Variants in ZEB1 observed in about 807,000 individuals in gnomAD.
ZEB1 encodes the protein zinc finger E-box-binding homeobox 1.
ZEB1 carries 21 observed loss-of-function variants against 84.9 expected under a neutral mutation model. The observed-to-expected ratio is 0.25, with a 90% CI of 0.18 to 0.36. ZEB1 has a LOEUF of 0.36. Among genes scored for constraint, ZEB1 ranks in the 10% least tolerant of loss-of-function variants. The probability of loss-of-function intolerance (pLI) is 1.00; values close to 1 mark genes in which losing one functional copy is unlikely to be tolerated. For missense variants in ZEB1, 1,104 were observed against 1,330.2 expected (o/e 0.83, Z 2.65); for synonymous variants, 420 against 471.1 (o/e 0.89, Z 1.41).
intron 1 of ZEB1, among the ~76,000 whole-genome samples, chr10:31,323,642 C>T (rs1226130875): frequency 6.6e-6 from 1 of 151,978 alleles, no homozygotes; most frequent in Non-Finnish European, 1.5e-5. Context: ...GTAGTTCGTA[C>T]GTTGCTGTAT....
intron 1 of ZEB1, chr10:31,363,434 G>A (rs199981392): frequency 3.5e-5 from 54 of 1,534,036 alleles, no homozygotes; most frequent in Non-Finnish European, 4.7e-5. Flanking sequence ...CCCTCCAAGG[G>A]CCTGGGATTG....
At chr10:31,338,366 G>C (rs575307251) in intron 1 of ZEB1, among the ~76,000 whole-genome samples, 3 of 152,174 alleles carry the variant, frequency 2.0e-5, no homozygotes, top group South Asian at 2.1e-4. Flanking sequence ...TCTTTGATAG[G>C]TAAAGGGAAA....
chr10:31,371,759 G>T (rs2045754502), intron 1 of ZEB1, among the ~76,000 whole-genome samples: 1 of 152,138 alleles, frequency 6.6e-6, no homozygotes, highest in African/African-American at 2.4e-5. Flanking sequence ...TTGCTATTGA[G>T]AATTTTGGAT....
intron 3 of ZEB1, among the ~76,000 whole-genome samples, chr10:31,496,268 A>C (rs1298328980): frequency 6.6e-6 from 1 of 152,116 alleles, no homozygotes; most frequent in Admixed American, 6.6e-5. Flanking sequence ...TTTATCTATA[A>C]ATCCGATGAG....
intron 1 of ZEB1, among the ~76,000 whole-genome samples, chr10:31,443,836 A>C (rs1056638453): frequency 7.3e-5 from 11 of 151,224 alleles, no homozygotes; most frequent in Middle Eastern, 3.4e-3. Flanking sequence ...GGTTGGCTCC[A>C]AGTCTTTGCT....
chr10:31,427,430 G>A (rs1388618654), intron 1 of ZEB1, among the ~76,000 whole-genome samples: 1 of 152,168 alleles, frequency 6.6e-6, no homozygotes, highest in Non-Finnish European at 1.5e-5. Context: ...TAGCTTCAGT[G>A]AGCCCTGGTT....
chr10:31,495,815 A>G lies in ZEB1; in HGVS notation c.299A>G (p.Gln100Arg). Residue 100 changes from glutamine (Q) to arginine (R), a missense_variant, in exon 3 of 9, where the codon CAG becomes CGG. By Grantham distance (43) the Gln-to-Arg change is conservative (BLOSUM62 1). Coordinates refer to ENST00000424869, the MANE Select transcript of ZEB1 (RefSeq NM_001174096.2). ...CAAGAAATCCTGGGGCCTGAAGCTC[A>G]GGCAGATGAAGCAGGATGTACAGGT... is the stretch of plus-strand genomic sequence containing the variant. ...EGQEILGPEA[Q>R]ADEAGCTVKD... The G allele has an allele frequency of 6.2e-7, 1 of 1,612,958 alleles. No homozygotes were observed. Among genetic ancestry groups the G allele is most frequent in the Non-Finnish European group, 8.5e-7 (1 of 1,179,090 alleles).
chr10:31,446,414 C>T (rs1484033829), intron 1 of ZEB1, among the ~76,000 whole-genome samples: 1 of 151,634 alleles, frequency 6.6e-6, no homozygotes, highest in Non-Finnish European at 1.5e-5. Flanking sequence ...CTATTTCCTT[C>T]AGTTCTGCTC....
At chr10:31,497,266 A>G (rs879730550) in intron 3 of ZEB1, among the ~76,000 whole-genome samples, 1 of 152,146 alleles carries the variant, frequency 6.6e-6, no homozygotes, top group Non-Finnish European at 1.5e-5. Context: ...AATGCTATCC[A>G]AAAAGATGCT....
intron 1 of ZEB1, among the ~76,000 whole-genome samples, chr10:31,409,195 G>T (rs936638030): frequency 7.2e-5 from 11 of 152,176 alleles, no homozygotes; most frequent in African/African-American, 2.7e-4. Context: ...ACCACAATGA[G>T]ATACCATTTC....
intron 1 of ZEB1, among the ~76,000 whole-genome samples, chr10:31,375,204 A>G (rs973328221): frequency 4.0e-5 from 6 of 151,612 alleles, no homozygotes; most frequent in Non-Finnish European, 7.4e-5. Context: ...TTTTTTCTGG[A>G]TATACTCAAA....
intron 1 of ZEB1, among the ~76,000 whole-genome samples, chr10:31,387,519 G>C (rs1243286034): frequency 1.3e-5 from 2 of 152,100 alleles, no homozygotes; most frequent in African/African-American, 4.8e-5. Context: ...AAACCTTCCA[G>C]TTTAGTCTGC....
chr10:31,373,051 G>A (rs1200818373), intron 1 of ZEB1: 2 of 985,284 alleles, frequency 2.0e-6, no homozygotes, highest in Non-Finnish European at 2.4e-6. Context: ...GCAATTGGCC[G>A]AAAACTCCCA....
intron 2 of ZEB1, among the ~76,000 whole-genome samples, chr10:31,494,409 C>T (rs1761379): frequency 0.24 from 36,191 of 151,898 alleles, 9,753 homozygotes; most frequent in African/African-American, 0.67. Flanking sequence ...TGATCATCTT[C>T]ATGTACTAGT....
At chr10:31,455,781 G>C (rs566358918) in intron 1 of ZEB1, among the ~76,000 whole-genome samples, 3 of 152,304 alleles carry the variant, frequency 2.0e-5, no homozygotes, top group African/African-American at 7.2e-5. Context: ...AGGATGTGGA[G>C]AAATAGGAAC....
In ZEB1 at chr10:31,521,354, C is replaced by A; in HGVS notation, c.2022C>A (p.Ser674Arg). 6.2e-7 allele frequency: 1 copy of A among 1,614,108 alleles called. No individual in the cohort carries two copies. The highest frequency in any genetic ancestry group is 8.5e-7 in the Non-Finnish European group (1 of 1,180,006). The change falls in exon 7 of 9, where the codon AGC becomes AGA. Residue 674 changes from serine (S) to arginine (R), a missense_variant. Around this residue, in one of 7 missense-constraint regions of ZEB1, gnomAD observed 531 missense variants for 575.2 expected, o/e 0.92. Coordinates refer to ENST00000424869, the MANE Select transcript of ZEB1 (RefSeq NM_001174096.2). ...QSANANEPQDSTVNLQSPLKM... is the reference protein window; with the variant it reads ...QSANANEPQDRTVNLQSPLKM... ...CAAATGCAAATGAACCCCAGGACAGCACAGTAAATCTACAAAGTCCTTTGA... is the reference window on the plus strand; with the variant it reads ...CAAATGCAAATGAACCCCAGGACAGAACAGTAAATCTACAAAGTCCTTTGA...
chr10:31,337,447 A>C, intron 1 of ZEB1, among the ~76,000 whole-genome samples: 1 of 152,168 alleles, frequency 6.6e-6, no homozygotes. Flanking sequence ...GTTTGATATT[A>C]ATAATTACTG....
intron 1 of ZEB1, among the ~76,000 whole-genome samples, chr10:31,431,298 G>A (rs764343437): frequency 2.1e-4 from 32 of 152,162 alleles, no homozygotes; most frequent in Non-Finnish European, 4.0e-4. Flanking sequence ...CTGCCAGGGA[G>A]CATTGCCTTA....
Position 31,520,389 on chromosome 10 carries a change from G to A in ZEB1, c.1057G>A (p.Asp353Asn), listed in dbSNP as rs1318380470. The stretch of plus-strand genomic sequence containing the variant: ...TAACCAAATTAAAACTGAACCTGTG[G>A]ATTATGAATTCAAACCCATAGTGGT... Reference protein sequence around the residue: ...SVNQIKTEPVDYEFKPIVVAS... With the variant: ...SVNQIKTEPVNYEFKPIVVAS... Residue 353 changes from aspartate (D) to asparagine (N), a missense_variant, in exon 7 of 9, where the codon GAT becomes AAT. Asp to Asn is a conservative substitution (Grantham distance 23, BLOSUM62 1). Transcript: ENST00000424869. This position sits in a 1 kb window ranked among gnomAD's most constrained non-coding sequence, Gnocchi z 5.1. The A allele has an allele frequency of 6.2e-7, 1 of 1,613,886 alleles. No homozygotes were observed. The highest frequency in any genetic ancestry group is 8.5e-7 in the Non-Finnish European group (1 of 1,179,920).
Sources: gnomAD v4.1 joint callset for allele counts (sites outside exome capture counted in the v4.1 genomes callset) on GRCh38, gnomAD v4.1.1 for gene constraint, gnomAD v4.1.1 regional missense constraint, Gnocchi (gnomAD v3.1) non-coding constraint, MANE v1.5 for transcripts, NCBI Gene and HGNC (gene_info 2026-07-23, HGNC 2026-07-21) for gene names.